The following WDR26 variants were observed in gnomAD, a reference collection of about 807,000 sequenced individuals.
The protein encoded by WDR26 is WD repeat-containing protein 26.
Under a neutral mutation model 84.1 loss-of-function variants are expected in WDR26, and 5 were observed. The observed-to-expected ratio is 0.06, with a 90% CI of 0.03 to 0.13. The LOEUF (loss-of-function observed/expected upper bound fraction) is 0.13. Ranked by LOEUF, WDR26 falls within the 10% of genes least tolerant of loss-of-function variation. WDR26 has a pLI of 1.00. For missense variants in WDR26, 642 were observed against 974.9 expected (o/e 0.66, Z 4.55); for synonymous variants, 415 against 389.6 (o/e 1.07, Z -0.77).
chr1:224,420,060 A>T (rs890892116), intron 4 of WDR26, among the ~76,000 whole-genome samples: 1 of 152,194 alleles, frequency 6.6e-6, no homozygotes, highest in Non-Finnish European at 1.5e-5. Flanking sequence ...ACTTGCTCTT[A>T]ACCACTAGGC....
At chr1:224,410,735 T>C (rs923751191) in intron 7 of WDR26, among the ~76,000 whole-genome samples, 3 of 149,430 alleles carry the variant, frequency 2.0e-5, no homozygotes, top group African/African-American at 7.5e-5. Context: ...CTCACTCTGT[T>C]GCCCAGCCTT....
intron 4 of WDR26, among the ~76,000 whole-genome samples, chr1:224,423,115 C>A (rs1674112487): frequency 6.6e-6 from 1 of 152,200 alleles, no homozygotes; most frequent in Non-Finnish European, 1.5e-5. Flanking sequence ...TATCCTACAA[C>A]CTTGCTGAAC....
In WDR26 at chr1:224,434,082, T is replaced by A. The variant is rs1477340351; in HGVS notation, c.324A>T (p.Gly108=). Residue 108 remains glycine, a synonymous_variant, in exon 1 of 14, where the codon GGA becomes GGT. Coordinates refer to ENST00000414423, the MANE Select transcript of WDR26 (RefSeq NM_001379403.1). Reference sequence around the variant, plus strand: ...CGCCGCCGCCGCCACCTCCTCCTCCTCCTCCTGCCCCATTGGCCTGCATGA... The same window carrying A: ...CGCCGCCGCCGCCACCTCCTCCTCCACCTCCTGCCCCATTGGCCTGCATGA... 3.5e-6 allele frequency: 5 copies of A among 1,448,040 alleles called. No individual in the cohort carries two copies. 89.7% of individuals were successfully genotyped at this position (1,448,040 alleles called of 1,614,324 possible).
intron 12 of WDR26, among the ~76,000 whole-genome samples, chr1:224,395,723 T>G (rs966927207): frequency 6.6e-6 from 1 of 152,198 alleles, no homozygotes; most frequent in Non-Finnish European, 1.5e-5. Context: ...TTTCTCTATT[T>G]GGTGGAAAAT....
chr1:224,400,852 G>T, intron 9 of WDR26, 98 bp downstream of exon 9: 1 of 1,506,698 alleles, frequency 6.6e-7, no homozygotes, highest in Non-Finnish European at 8.9e-7. Context: ...GGCCCACAGA[G>T]TATACTTTGT....
At chr1:224,389,896 G>T in intron 13 of WDR26, 36 bp from the exon 14 acceptor site, 3 of 1,316,416 alleles carry the variant, frequency 2.3e-6, no homozygotes, top group Non-Finnish European at 3.1e-6. Context: ...TGGGGGGCGG[G>T]CGGGGGAGGG....
intron 5 of WDR26, among the ~76,000 whole-genome samples, chr1:224,419,201 G>A (rs1037319870): frequency 1.3e-5 from 2 of 152,130 alleles, no homozygotes; most frequent in African/African-American, 2.4e-5. Context: ...AATCTTTAAA[G>A]CACTTGTGAC....
chr1:224,398,656 A>G (rs1279323808), intron 10 of WDR26, 63 bp from the exon 11 acceptor site: 3 of 1,428,128 alleles, frequency 2.1e-6, no homozygotes, highest in African/African-American at 1.4e-5. Flanking sequence ...CAAATTATCA[A>G]TACATAAGAT....
chr1:224,397,983 T>C (rs1673309989), intron 12 of WDR26, 114 bp downstream of exon 12: 4 of 1,291,580 alleles, frequency 3.1e-6, no homozygotes, highest in East Asian at 2.5e-5. Context: ...ATTGGATAAA[T>C]GAAAGAATTT....
chr1:224,420,627 AAT>A (rs199519015), intron 4 of WDR26, among the ~76,000 whole-genome samples: 2 of 152,232 alleles, frequency 1.3e-5, no homozygotes, highest in East Asian at 1.9e-4. Flanking sequence ...TAAATGATTT[AAT>A]AGTCTCTTCC....
At chr1:224,421,547 G>A (rs542000742) in intron 4 of WDR26, among the ~76,000 whole-genome samples, 6 of 152,256 alleles carry the variant, frequency 3.9e-5, no homozygotes, top group East Asian at 3.9e-4. Flanking sequence ...CCGAGATTGC[G>A]CCACTACACT....
rs751531784 is a variant in WDR26, at chr1:224,389,295, C to T, written c.*540G>A. On this transcript the variant is annotated 3_prime_UTR_variant, in exon 14 of 14. Coordinates refer to ENST00000414423, the MANE Select transcript of WDR26 (RefSeq NM_001379403.1). The stretch of plus-strand genomic sequence containing the variant: ...TTATCATCTGGATCAGTATATACTG[C>T]GCAACGGGCAAGGCTAGAATCCATG... 2.7e-5 allele frequency: 5 copies of T among 184,206 alleles called. No homozygotes were observed. The highest frequency in any genetic ancestry group is 2.1e-3 in the Middle Eastern group (1 of 472). 11.4% of individuals were successfully genotyped at this position (184,206 alleles called of 1,614,324 possible). A position where few individuals can be genotyped will look rare whatever the true frequency, so the allele number is the denominator to read the frequency against.
Position 224,409,875 on chromosome 1 carries a change from AG to A in WDR26, c.1458+1551del, listed in dbSNP as rs60713390. Among the ~76,000 whole-genome samples, 961 of 152,050 alleles carry A rather than the reference AG, an allele frequency of 6.3e-3. 11 individuals carry two copies. Among genetic ancestry groups the A allele is most frequent in the African/African-American group, 0.022 (902 of 41,474 alleles). ...GAGATACTGTCTCAGAGAAAAAAAA[AG>A]AAAAGAAAAAAAAATTATTTCCATC... On this transcript the variant is annotated intron_variant, in intron 7 of 13. Coordinates refer to ENST00000414423, the MANE Select transcript of WDR26 (RefSeq NM_001379403.1).
At chr1:224,422,206 C>T (rs1674083696) in intron 4 of WDR26, among the ~76,000 whole-genome samples, 2 of 152,028 alleles carry the variant, frequency 1.3e-5, no homozygotes, top group Admixed American at 1.3e-4. Context: ...AGTGCAAATG[C>T]CTTAAGGGGT....
At chr1:224,411,593 C>A in intron 6 of WDR26, 28 bp from the exon 7 acceptor site, 1 of 1,551,548 alleles carries the variant, frequency 6.4e-7, no homozygotes, top group Non-Finnish European at 8.7e-7. Flanking sequence ...ACAAATTATT[C>A]TTTCAAAACA....
Position 224,387,108 on chromosome 1 carries a change from A to C in WDR26, c.*2727T>G, listed in dbSNP as rs1210443383. On this transcript the variant is annotated 3_prime_UTR_variant, in exon 14 of 14. Transcript: ENST00000414423. ...CCTACTAACCTGATTTTTGGAGCCCAAATTCTCCACTCTATTTTGATCTAT... is the reference window on the plus strand; with the variant it reads ...CCTACTAACCTGATTTTTGGAGCCCCAATTCTCCACTCTATTTTGATCTAT... The C allele has an allele frequency of 6.6e-6, 1 of 152,636 alleles. No individual in the cohort carries two copies. The highest frequency in any genetic ancestry group is 1.5e-5 in the Non-Finnish European group (1 of 68,020). The allele number at this position is 152,636 out of a possible 1,614,324, so 9.5% of individuals were successfully genotyped here.
intron 8 of WDR26, among the ~76,000 whole-genome samples, chr1:224,402,319 G>C (rs1302030131): frequency 1.3e-5 from 2 of 152,154 alleles, no homozygotes; most frequent in African/African-American, 4.8e-5. Flanking sequence ...GATATAAACA[G>C]TTGAAAGTTT....
intron 5 of WDR26, 50 bp from the exon 6 acceptor site, chr1:224,418,466 T>C (rs753289981): frequency 6.7e-7 from 1 of 1,503,128 alleles, no homozygotes; most frequent in Non-Finnish European, 9.0e-7. Flanking sequence ...AACTGTAAAC[T>C]TTTATTTAAG....
chr1:224,393,846 C>T lies in WDR26; in HGVS notation c.2242G>A (p.Asp748Asn), dbSNP rs777570177. The change falls in exon 13 of 14, where the codon GAC becomes AAC. Residue 748 changes from aspartate (D) to asparagine (N), a missense_variant. Asp to Asn is a conservative substitution (Grantham distance 23). Transcript: ENST00000414423. ...GTATTACCTTCAATATTCTGGTGGTCTATAAAAGGTGCTGGTCCCCATATT... is the reference window on the plus strand; with the variant it reads ...GTATTACCTTCAATATTCTGGTGGTTTATAAAAGGTGCTGGTCCCCATATT... 4 of 1,545,576 alleles carry T rather than the reference C, an allele frequency of 2.6e-6. No individual in the cohort carries two copies. The highest frequency in any genetic ancestry group is 3.5e-6 in the Non-Finnish European group (4 of 1,128,742).
Sources: gnomAD v4.1 joint callset for allele counts (sites outside exome capture counted in the v4.1 genomes callset) on GRCh38, gnomAD v4.1.1 for gene constraint, MANE v1.5 for transcripts, NCBI Gene and HGNC (gene_info 2026-07-23, HGNC 2026-07-21) for gene names.